Variants in DOCK3 observed in about 807,000 individuals in gnomAD.
DOCK3 encodes dedicator of cytokinesis protein 3.
Under a neutral mutation model 265.6 loss-of-function variants are expected in DOCK3, and 60 were observed. That is an observed-to-expected ratio of 0.23 (90% confidence interval 0.18 to 0.28). The LOEUF (loss-of-function observed/expected upper bound fraction) is 0.28, where lower values mean the gene tolerates loss of function less well. Ranked by LOEUF, DOCK3 falls within the 10% of genes least tolerant of loss-of-function variation. The pLI is 1.00. For missense variants in DOCK3, 1,981 were observed against 2,594.3 expected (o/e 0.76, Z 5.14); for synonymous variants, 881 against 938.0 (o/e 0.94, Z 1.11).
intron 27 of DOCK3, among the ~76,000 whole-genome samples, chr3:51,283,236 C>G (rs906709851): frequency 7.9e-5 from 12 of 152,224 alleles, no homozygotes; most frequent in African/African-American, 2.7e-4. Context: ...GAGGCACACT[C>G]AGGCACAGAC....
intron 2 of DOCK3, among the ~76,000 whole-genome samples, chr3:50,828,374 A>T (rs1340546248): frequency 6.6e-6 from 1 of 151,946 alleles, no homozygotes; most frequent in Non-Finnish European, 1.5e-5. Flanking sequence ...GTCTACATTC[A>T]TTCGTTTGCC....
rs1273724212 is a variant in DOCK3 at position 51,229,514 on chromosome 3, G to A, written c.1822G>A (p.Asp608Asn). The A allele has an allele frequency of 6.9e-6, 11 of 1,583,098 alleles. No individual in the cohort carries two copies. Among genetic ancestry groups the A allele is most frequent in the Non-Finnish European group, 9.4e-6 (11 of 1,167,662 alleles). Reference protein sequence around the residue: ...LSSTKLTQNVDLLALLKWKAF... With the variant: ...LSSTKLTQNVNLLALLKWKAF... ...CATCTTTTGGGCTTGCTTTCTAGTGGACCTCCTAGCTCTGCTGAAGTGGAA... is the reference window on the plus strand; with the variant it reads ...CATCTTTTGGGCTTGCTTTCTAGTGAACCTCCTAGCTCTGCTGAAGTGGAA... The change falls in exon 19 of 53, where the codon GAC becomes AAC. Residue 608 changes from aspartate to asparagine, a missense_variant and splice_region_variant. Transcript: ENST00000266037.
chr3:50,794,751 G>A (rs1356857590), intron 2 of DOCK3, among the ~76,000 whole-genome samples: 4 of 152,150 alleles, frequency 2.6e-5, no homozygotes, highest in East Asian at 1.9e-4. Flanking sequence ...ATTGATATGT[G>A]TAGATTTGAT....
intron 2 of DOCK3, among the ~76,000 whole-genome samples, chr3:50,832,073 G>T (rs777056328): frequency 6.6e-6 from 1 of 152,140 alleles, no homozygotes; most frequent in Non-Finnish European, 1.5e-5. Flanking sequence ...TTTTTGATGA[G>T]ATTGTTTCAA....
intron 12 of DOCK3, among the ~76,000 whole-genome samples, chr3:51,172,942 T>G (rs1433377402): frequency 1.3e-5 from 2 of 152,194 alleles, no homozygotes; most frequent in Non-Finnish European, 2.9e-5. Context: ...CCCACCCAGT[T>G]TATATTTTTA....
At chr3:50,676,450 G>A (rs1359220647) in intron 1 of DOCK3, among the ~76,000 whole-genome samples, 1 of 152,206 alleles carries the variant, frequency 6.6e-6, no homozygotes, top group Non-Finnish European at 1.5e-5. Flanking sequence ...AGGGAGCTCT[G>A]GTCCTAGAGT....
At position 50,948,601 on chromosome 3, in the gene DOCK3, C is replaced by T. The variant is rs28896604; in HGVS notation, c.315+14524C>T. Among the ~76,000 whole-genome samples, 3 of 151,276 alleles carry T rather than the reference C, an allele frequency of 2.0e-5. 1 individual carries two copies. The South Asian group carries it at 6.3e-4, about 32-fold the overall frequency. On this transcript the variant is annotated intron_variant, in intron 5 of 52. Transcript: ENST00000266037. ...CTTTTTCTTTTCTTTTCTCTTCTTT[C>T]TCTTTTCTTTTCTTTTCCTTTTCTT... is the stretch of plus-strand genomic sequence containing the variant.
chr3:51,136,200 C>G (rs1181891115), intron 9 of DOCK3, among the ~76,000 whole-genome samples: 4 of 151,954 alleles, frequency 2.6e-5, no homozygotes, highest in Non-Finnish European at 5.9e-5. Context: ...GCAGCCTACC[C>G]TCAATCCAGT....
chr3:51,228,357 C>CT (rs2090415786), intron 17 of DOCK3, among the ~76,000 whole-genome samples: 2 of 152,214 alleles, frequency 1.3e-5, no homozygotes, highest in Non-Finnish European at 2.9e-5. Flanking sequence ...CCATTGTGGT[C>CT]TTGTTTAGTA....
At chr3:50,880,182 A>G (rs898873908) in intron 3 of DOCK3, among the ~76,000 whole-genome samples, 1 of 152,224 alleles carries the variant, frequency 6.6e-6, no homozygotes, top group Non-Finnish European at 1.5e-5. Context: ...GAAAGCAGGA[A>G]AGTTCTAAAA....
chr3:51,119,226 C>T (rs888939847), intron 9 of DOCK3, among the ~76,000 whole-genome samples: 1 of 152,144 alleles, frequency 6.6e-6, no homozygotes, highest in Non-Finnish European at 1.5e-5. Context: ...ACTTATGAAG[C>T]TTAGTTTGGC....
intron 5 of DOCK3, among the ~76,000 whole-genome samples, chr3:51,002,074 C>T (rs917499971): frequency 3.3e-5 from 5 of 152,052 alleles, no homozygotes; most frequent in Non-Finnish European, 5.9e-5. Flanking sequence ...GCCCCCTGAG[C>T]AGCTAGGATT....
At chr3:50,726,525 G>C (rs567713957) in intron 1 of DOCK3, among the ~76,000 whole-genome samples, 2 of 152,296 alleles carry the variant, frequency 1.3e-5, no homozygotes, top group Admixed American at 6.5e-5. Context: ...AAAGGCTAAG[G>C]CTGAGTTATA....
At chr3:51,154,625 C>T (rs116397404) in intron 10 of DOCK3, among the ~76,000 whole-genome samples, 4,782 of 152,220 alleles carry the variant, frequency 0.031, 115 homozygotes, top group Non-Finnish European at 0.05. Context: ...TCTGATATTT[C>T]CTGGTAAAGC....
At chr3:50,873,000 ACC>A (rs535577009) in intron 3 of DOCK3, among the ~76,000 whole-genome samples, 212 of 152,268 alleles carry the variant, frequency 1.4e-3, no homozygotes, top group African/African-American at 4.9e-3. Context: ...GGAATCAGGG[ACC>A]CAAGAGCCTG....
At chr3:51,199,886 T>G (rs564455913) in intron 12 of DOCK3, among the ~76,000 whole-genome samples, 1 of 152,164 alleles carries the variant, frequency 6.6e-6, no homozygotes, top group East Asian at 1.9e-4. Context: ...GAAAAACCAC[T>G]GTTCTGCAGA....
chr3:51,343,321 T>C (rs147621309), intron 38 of DOCK3, among the ~76,000 whole-genome samples: 12 of 152,266 alleles, frequency 7.9e-5, no homozygotes, highest in East Asian at 3.9e-4. Flanking sequence ...AGCTGCCCCA[T>C]AGGGACTGCT....
At chr3:51,105,994 G>A (rs1368542402) in intron 9 of DOCK3, among the ~76,000 whole-genome samples, 2 of 152,228 alleles carry the variant, frequency 1.3e-5, no homozygotes, top group African/African-American at 4.8e-5. Flanking sequence ...TGTTGACAGG[G>A]AAAGCTGCTT....
chr3:50,761,224 C>G (rs1358599243), intron 1 of DOCK3, among the ~76,000 whole-genome samples: 1 of 151,958 alleles, frequency 6.6e-6, no homozygotes, highest in East Asian at 1.9e-4. Context: ...AATTCCTTAG[C>G]ATAATAAATA....
Sources: gnomAD v4.1 joint callset for allele counts (sites outside exome capture counted in the v4.1 genomes callset) on GRCh38, gnomAD v4.1.1 for gene constraint, MANE v1.5 for transcripts, NCBI Gene and HGNC (gene_info 2026-07-23, HGNC 2026-07-21) for gene names.